CAMKMT: variants seen among roughly 807,000 people sequenced by gnomAD.
CAMKMT encodes CaM KMT.
CAMKMT carries 53 observed loss-of-function variants against 48.0 expected under a neutral mutation model. The observed-to-expected ratio is 1.10, with a 90% CI of 0.89 to 1.39. CAMKMT has a LOEUF of 1.39. CAMKMT is among the 40% of genes most tolerant of loss of function. The probability of loss-of-function intolerance (pLI) is 0.00; values close to 1 mark genes in which losing one functional copy is unlikely to be tolerated. For missense variants in CAMKMT, 428 were observed against 402.7 expected (o/e 1.06, Z -0.54); for synonymous variants, 165 against 152.3 (o/e 1.08, Z -0.61).
intron 3 of CAMKMT, among the ~76,000 whole-genome samples, chr2:44,530,420 G>T (rs762364430): frequency 6.6e-6 from 1 of 152,136 alleles, no homozygotes; most frequent in Non-Finnish European, 1.5e-5. Flanking sequence ...GCATTTGAAA[G>T]AATTTTTAGA....
intron 3 of CAMKMT, among the ~76,000 whole-genome samples, chr2:44,538,287 G>C (rs575224130): frequency 6.6e-6 from 1 of 151,676 alleles, no homozygotes; most frequent in East Asian, 1.9e-4. Flanking sequence ...AGAATTGCTT[G>C]AACCCGGGAG....
At chr2:44,555,096 G>A (rs1353761804) in intron 3 of CAMKMT, among the ~76,000 whole-genome samples, 1 of 152,148 alleles carries the variant, frequency 6.6e-6, no homozygotes, top group Non-Finnish European at 1.5e-5. Context: ...AGCAGCAAAA[G>A]AATAAACTGG....
intron 2 of CAMKMT, among the ~76,000 whole-genome samples, chr2:44,382,879 A>T (rs879624916): frequency 6.6e-6 from 1 of 152,230 alleles, no homozygotes; most frequent in Non-Finnish European, 1.5e-5. Context: ...TACAGTTTAC[A>T]CGTATTCTCT....
intron 3 of CAMKMT, among the ~76,000 whole-genome samples, chr2:44,492,155 C>G (rs1669539748): frequency 6.6e-6 from 1 of 151,694 alleles, no homozygotes; most frequent in African/African-American, 2.4e-5. Context: ...AATTATGTCC[C>G]TTATAAAACA....
chr2:44,481,377 G>A (rs941622256), intron 3 of CAMKMT, among the ~76,000 whole-genome samples: 1 of 151,676 alleles, frequency 6.6e-6, no homozygotes, highest in Non-Finnish European at 1.5e-5. Flanking sequence ...ATTTATAATA[G>A]CTAGCTGAAT....
chr2:44,635,516 GCATTC>G (rs1485340707), intron 3 of CAMKMT, among the ~76,000 whole-genome samples: 1 of 152,110 alleles, frequency 6.6e-6, no homozygotes, highest in Admixed American at 6.6e-5. Flanking sequence ...TTCTCTTCCT[GCATTC>G]CATGCTCCAT....
intron 3 of CAMKMT, among the ~76,000 whole-genome samples, chr2:44,551,656 G>A (rs80118276): frequency 0.028 from 4,253 of 152,226 alleles, 195 homozygotes; most frequent in African/African-American, 0.097. Flanking sequence ...TTAAATGGCA[G>A]CAGTGGAAAA....
At position 44,681,867 on chromosome 2, in the gene CAMKMT, C is replaced by T. The variant is rs1171535629; in HGVS notation, c.377-22416C>T. On this transcript the variant is annotated intron_variant, in intron 3 of 10. Coordinates refer to ENST00000378494, the MANE Select transcript of CAMKMT (RefSeq NM_024766.5). ...TTTAAAGCATATCTGATTCTGCATACGTGGGAAACGGACACAATATTAAAA... is the reference window on the plus strand; with the variant it reads ...TTTAAAGCATATCTGATTCTGCATATGTGGGAAACGGACACAATATTAAAA... Among the ~76,000 whole-genome samples the T allele has an allele frequency of 6.6e-5, 10 of 152,230 alleles. No individual in the cohort carries two copies. The East Asian group carries it at 1.4e-3, about 21-fold the overall frequency.
intron 7 of CAMKMT, among the ~76,000 whole-genome samples, chr2:44,721,817 C>T (rs1678473788): frequency 7.3e-6 from 1 of 137,452 alleles, no homozygotes; most frequent in African/African-American, 2.7e-5. Context: ...AGTGAAACCC[C>T]ATCTATTGAA....
At chr2:44,527,378 T>C (rs960490499) in intron 3 of CAMKMT, among the ~76,000 whole-genome samples, 10 of 143,296 alleles carry the variant, frequency 7.0e-5, no homozygotes, top group African/African-American at 2.6e-4. Flanking sequence ...TATACATACA[T>C]ATAATATATA....
At chr2:44,573,391 T>C (rs1669030405) in intron 3 of CAMKMT, among the ~76,000 whole-genome samples, 1 of 151,322 alleles carries the variant, frequency 6.6e-6, no homozygotes, top group South Asian at 2.1e-4. Context: ...TTTTTCACTC[T>C]GTTTTTTTTT....
At chr2:44,406,784 G>A (rs986373660) in intron 3 of CAMKMT, among the ~76,000 whole-genome samples, 5 of 152,016 alleles carry the variant, frequency 3.3e-5, no homozygotes, top group African/African-American at 1.2e-4. Context: ...GGTTTTGTAG[G>A]AACGAGGTTT....
chr2:44,682,658 A>C (rs1676089241), intron 3 of CAMKMT, among the ~76,000 whole-genome samples: 1 of 152,238 alleles, frequency 6.6e-6, no homozygotes, highest in African/African-American at 2.4e-5. Flanking sequence ...CGACCGAGCT[A>C]TCACAGCCTC....
At chr2:44,510,116 A>G (rs923334071) in intron 3 of CAMKMT, among the ~76,000 whole-genome samples, 9 of 152,280 alleles carry the variant, frequency 5.9e-5, no homozygotes, top group Non-Finnish European at 1.2e-4. Context: ...TGCTCTACAG[A>G]GCTTATTCAA....
chr2:44,573,661 T>A (rs1187705773), intron 3 of CAMKMT, among the ~76,000 whole-genome samples: 1 of 152,144 alleles, frequency 6.6e-6, no homozygotes, highest in Non-Finnish European at 1.5e-5. Context: ...ATAAAAATAT[T>A]CTCTGAAATT....
intron 3 of CAMKMT, among the ~76,000 whole-genome samples, chr2:44,557,616 G>C (rs142737970): frequency 2.2e-4 from 34 of 152,076 alleles, no homozygotes; most frequent in South Asian, 1.7e-3. Context: ...GTGTAAAATA[G>C]AAACAGTAAC....
At chr2:44,590,119 ATTTC>A (rs1246077238) in intron 3 of CAMKMT, among the ~76,000 whole-genome samples, 1 of 151,038 alleles carries the variant, frequency 6.6e-6, no homozygotes, top group Non-Finnish European at 1.5e-5. Context: ...GATGCCTTTT[ATTTC>A]TTTTCTTCCC....
At chr2:44,482,473 T>C (rs1171701705) in intron 3 of CAMKMT, among the ~76,000 whole-genome samples, 2 of 152,200 alleles carry the variant, frequency 1.3e-5, no homozygotes, top group Non-Finnish European at 2.9e-5. Context: ...AATTTGATAA[T>C]GATTGAGCTT....
intron 3 of CAMKMT, among the ~76,000 whole-genome samples, chr2:44,610,843 G>T (rs1412964723): frequency 1.3e-5 from 2 of 152,116 alleles, no homozygotes; most frequent in Non-Finnish European, 1.5e-5. Context: ...CGGATCCATA[G>T]ACTCAATTTT....
Sources: gnomAD v4.1 joint callset for allele counts (sites outside exome capture counted in the v4.1 genomes callset) on GRCh38, gnomAD v4.1.1 for gene constraint, MANE v1.5 for transcripts, NCBI Gene and HGNC (gene_info 2026-07-23, HGNC 2026-07-21) for gene names.